LRP1B: variants seen among roughly 807,000 people sequenced by gnomAD.
The protein encoded by LRP1B is low-density lipoprotein receptor-related protein 1B.
Under a neutral mutation model 556.6 loss-of-function variants are expected in LRP1B, and 217 were observed. The observed-to-expected ratio is 0.39, with a 90% confidence interval of 0.35 to 0.44. The LOEUF is 0.44. LRP1B is among the 20% of genes least tolerant of loss of function. The probability of loss-of-function intolerance (pLI) is 1.00; values close to 1 mark genes in which losing one functional copy is unlikely to be tolerated. For synonymous variants in LRP1B, 2,047 were observed against 1,865.8 expected (o/e 1.10, Z -2.50); for missense variants, 5,053 against 5,620.8 (o/e 0.90, Z 3.23).
At chr2:141,745,451 T>C (rs369108526) in intron 2 of LRP1B, among the ~76,000 whole-genome samples, 35 of 152,216 alleles carry the variant, frequency 2.3e-4, no homozygotes, top group Non-Finnish European at 4.7e-4. Flanking sequence ...CCTCACCCTA[T>C]GGCCACCACC....
rs141170219 is a variant in LRP1B, at chr2:141,758,370, T to C, written c.205+51909A>G. 8.1e-4 allele frequency among the ~76,000 whole-genome samples: 123 copies of C among 152,310 alleles called. 2 individuals carry two copies. In the East Asian group the frequency reaches 0.015, roughly 19 times the overall value. On this transcript the variant is annotated intron_variant, in intron 2 of 90. Transcript: ENST00000389484. ...TCTCACAGTTGGGTAGAACATTCAATGTTGAATGTCAAAATGTATTTTTTA... is the reference window on the plus strand; with the variant it reads ...TCTCACAGTTGGGTAGAACATTCAACGTTGAATGTCAAAATGTATTTTTTA...
chr2:142,041,890 C>T (rs1368463918), intron 1 of LRP1B, among the ~76,000 whole-genome samples: 1 of 151,482 alleles, frequency 6.6e-6, no homozygotes, highest in African/African-American at 2.4e-5. Context: ...GCTTATTACA[C>T]ATGTCTTAAA....
At chr2:141,847,182 A>G (rs769034417) in intron 1 of LRP1B, among the ~76,000 whole-genome samples, 10 of 151,586 alleles carry the variant, frequency 6.6e-5, no homozygotes, top group Non-Finnish European at 1.3e-4. Context: ...ACCCGAAACC[A>G]ATTAGAAGAT....
intron 1 of LRP1B, among the ~76,000 whole-genome samples, chr2:142,088,621 T>TCAATAA (rs1706039832): frequency 6.6e-6 from 1 of 152,166 alleles, no homozygotes; most frequent in South Asian, 2.1e-4. Flanking sequence ...TAATGCTTTG[T>TCAATAA]TAACATTATT....
chr2:140,367,208 T>C (rs776579762), intron 71 of LRP1B, among the ~76,000 whole-genome samples: 1 of 151,622 alleles, frequency 6.6e-6, no homozygotes, highest in Non-Finnish European at 1.5e-5. Context: ...TTTGAGAGAG[T>C]TGCCTTTTTA....
intron 89 of LRP1B, among the ~76,000 whole-genome samples, chr2:140,235,634 A>G (rs1035942477): frequency 2.6e-5 from 4 of 151,242 alleles, no homozygotes; most frequent in East Asian, 2.0e-4. Flanking sequence ...CAGTCATCCA[A>G]TTGGTAAATA....
intron 1 of LRP1B, among the ~76,000 whole-genome samples, chr2:141,986,230 C>T (rs1232645566): frequency 4.6e-5 from 7 of 151,802 alleles, no homozygotes; most frequent in African/African-American, 7.3e-5. Flanking sequence ...CTGAATTGTA[C>T]GGCTAAAAGT....
intron 41 of LRP1B, among the ~76,000 whole-genome samples, chr2:140,663,148 G>A (rs994381187): frequency 2.0e-5 from 3 of 152,074 alleles, no homozygotes; most frequent in Admixed American, 2.0e-4. Flanking sequence ...TCAACCAACA[G>A]AGAATTTGTG....
At chr2:140,912,405 GTTA>G (rs1215550673) in intron 21 of LRP1B, among the ~76,000 whole-genome samples, 2 of 151,434 alleles carry the variant, frequency 1.3e-5, no homozygotes, top group African/African-American at 4.8e-5. Context: ...GAAATAAGTA[GTTA>G]TTAATAATAG....
At chr2:140,504,186 A>G (rs1025989910) in intron 53 of LRP1B, among the ~76,000 whole-genome samples, 12 of 152,128 alleles carry the variant, frequency 7.9e-5, no homozygotes, top group Non-Finnish European at 1.6e-4. Context: ...TCTGACCTCT[A>G]TCTTCTGAAA....
chr2:141,953,135 T>A (rs1411027596), intron 1 of LRP1B, among the ~76,000 whole-genome samples: 1 of 152,048 alleles, frequency 6.6e-6, no homozygotes, highest in Non-Finnish European at 1.5e-5. Context: ...TACATATCAT[T>A]AGATGGTTCT....
rs750457604 is a variant in LRP1B, at chr2:140,886,286, C to T, written c.3816G>A (p.Arg1272=). Residue 1272 remains arginine (R), a synonymous_variant, in exon 24 of 91, where the codon AGG becomes AGA. Transcript: ENST00000389484. The part of the protein sequence containing the change: ...IIFSIRHEIR[R]IDLHKRDYSL... ...TATAGTCTCTTTTGTGAAGATCAAT[C>T]CTTCTGATCTCATGACGAATAGAAA... 3.7e-6 allele frequency: 6 copies of T among 1,606,780 alleles called. No individual in the cohort carries two copies. Among genetic ancestry groups the T allele is most frequent in the Non-Finnish European group, 5.1e-6 (6 of 1,175,678 alleles).
chr2:142,130,829 G>C lies in LRP1B; in HGVS notation c.-100C>G, dbSNP rs762997708. ...CAGGGGCCGCTTGGAGCCTGGAATCGAGCGGCGTCATTTACAAATGTCACT... is the reference window on the plus strand; with the variant it reads ...CAGGGGCCGCTTGGAGCCTGGAATCCAGCGGCGTCATTTACAAATGTCACT... On this transcript the variant is annotated 5_prime_UTR_variant, in exon 1 of 91. Coordinates refer to ENST00000389484, the MANE Select transcript of LRP1B (RefSeq NM_018557.3). 5.6e-6 allele frequency: 5 copies of C among 892,696 alleles called. No homozygotes were observed. Among genetic ancestry groups the C allele is most frequent in the Non-Finnish European group, 9.1e-6 (5 of 548,438 alleles). The allele number at this position is 892,696 out of a possible 1,614,324, so 55.3% of individuals were successfully genotyped here.
chr2:140,855,528 A>G (rs1692591187), intron 27 of LRP1B, among the ~76,000 whole-genome samples: 1 of 146,160 alleles, frequency 6.8e-6, no homozygotes, highest in Non-Finnish European at 1.5e-5. Context: ...CCCACAGTCT[A>G]CCTCACAAAG....
At chr2:140,735,037 C>T (rs1246252222) in intron 35 of LRP1B, among the ~76,000 whole-genome samples, 1 of 152,120 alleles carries the variant, frequency 6.6e-6, no homozygotes, top group Non-Finnish European at 1.5e-5. Flanking sequence ...ACCAAACTAG[C>T]ACAAGAGATG....
At chr2:142,115,209 G>T (rs1311923536) in intron 1 of LRP1B, among the ~76,000 whole-genome samples, 1 of 151,138 alleles carries the variant, frequency 6.6e-6, no homozygotes, top group Non-Finnish European at 1.5e-5. Flanking sequence ...CCTATGAAAT[G>T]CTTTAGAGAA....
At chr2:140,696,580 G>A (rs556080256) in intron 41 of LRP1B, among the ~76,000 whole-genome samples, 7 of 152,258 alleles carry the variant, frequency 4.6e-5, no homozygotes, top group Non-Finnish European at 8.8e-5. Context: ...GACCACAGAT[G>A]AGTACTGGTC....
intron 3 of LRP1B, among the ~76,000 whole-genome samples, chr2:141,464,594 A>ATTTTTTTTTTTTTTTTTTTTTTTTTTT (rs1559084708): frequency 2.9e-5 from 1 of 34,772 alleles, no homozygotes; most frequent in African/African-American, 6.2e-5. Context: ...GTATATATAT[A>ATTTTTTTTTTTTTTTTTTTTTTTTTTT]TATATATATA....
At chr2:140,929,920 G>A (rs1020308002) in intron 20 of LRP1B, among the ~76,000 whole-genome samples, 3 of 151,978 alleles carry the variant, frequency 2.0e-5, no homozygotes, top group Non-Finnish European at 4.4e-5. Flanking sequence ...TCTTCTGCCA[G>A]AAAACAGAAA....
Sources: allele counts gnomAD v4.1 joint callset (sites outside exome capture counted in the v4.1 genomes callset), GRCh38; gene constraint gnomAD v4.1.1; transcripts MANE v1.5; gene names NCBI Gene and HGNC (gene_info 2026-07-23, HGNC 2026-07-21).